The following IL1RAP variants were observed in gnomAD, a reference collection of about 807,000 sequenced individuals.
IL1RAP encodes the protein interleukin-1 receptor accessory protein.
A neutral mutation model predicts 60.7 loss-of-function variants in IL1RAP; 35 were observed. That is an observed-to-expected ratio of 0.58 (90% CI 0.44 to 0.76). The LOEUF is 0.76. Among genes scored for constraint, IL1RAP ranks in the 30% least tolerant of loss-of-function variants. The probability of loss-of-function intolerance (pLI) is 0.00; values close to 1 mark genes in which losing one functional copy is unlikely to be tolerated. For missense variants in IL1RAP, 572 were observed against 693.9 expected (o/e 0.82, Z 1.97); for synonymous variants, 268 against 250.9 (o/e 1.07, Z -0.64).
At chr3:190,549,410 G>C (rs1358771036) in intron 1 of IL1RAP, among the ~76,000 whole-genome samples, 1 of 151,388 alleles carries the variant, frequency 6.6e-6, no homozygotes, top group Non-Finnish European at 1.5e-5. Flanking sequence ...AGGGGGTGCT[G>C]TTTTGGGAAA....
chr3:190,615,780 C>T (rs2108780736), intron 5 of IL1RAP, among the ~76,000 whole-genome samples: 1 of 152,146 alleles, frequency 6.6e-6, no homozygotes, highest in East Asian at 1.9e-4. Flanking sequence ...TTTGCTCTTC[C>T]AGACTAAGTG....
At chr3:190,519,666 A>G (rs1195216905) in intron 1 of IL1RAP, among the ~76,000 whole-genome samples, 1 of 152,082 alleles carries the variant, frequency 6.6e-6, no homozygotes, top group Non-Finnish European at 1.5e-5. Context: ...TTCCTTTCCA[A>G]ACATACTGCT....
chr3:190,626,727 G>T (rs894571880), intron 7 of IL1RAP, among the ~76,000 whole-genome samples: 1 of 140,456 alleles, frequency 7.1e-6, no homozygotes, highest in East Asian at 2.1e-4. Flanking sequence ...CTGGAGTGCA[G>T]TGGCACAGTC....
At chr3:190,621,353 C>G (rs931638265) in intron 6 of IL1RAP, among the ~76,000 whole-genome samples, 1 of 152,132 alleles carries the variant, frequency 6.6e-6, no homozygotes, top group African/African-American at 2.4e-5. Flanking sequence ...AAATAGTATT[C>G]AAACAATGTC....
At chr3:190,553,059 A>G (rs1725004324) in intron 1 of IL1RAP, among the ~76,000 whole-genome samples, 1 of 152,212 alleles carries the variant, frequency 6.6e-6, no homozygotes, top group African/African-American at 2.4e-5. Flanking sequence ...CAAAAGCAAA[A>G]AAGTCATACA....
intron 5 of IL1RAP, among the ~76,000 whole-genome samples, chr3:190,609,473 T>TTCTA (rs1730635655): frequency 6.6e-6 from 1 of 152,224 alleles, no homozygotes; most frequent in Admixed American, 6.6e-5. Flanking sequence ...TGCTGCCCAC[T>TTCTA]TCTAGTTCCT....
rs561782727 is a variant in IL1RAP, at chr3:190,623,968, T to C, written c.775+553T>C. Among the ~76,000 whole-genome samples the C allele has an allele frequency of 6.6e-5, 10 of 152,336 alleles. No individual in the cohort carries two copies. In the South Asian group the frequency reaches 2.1e-3, roughly 32 times the overall value. ...AAATACGGGATAACATGTTACTCTT[T>C]TGACTCAAAGCCTCCCACAGTTAAG... On this transcript the variant is annotated intron_variant, in intron 7 of 11. Coordinates refer to ENST00000447382, the MANE Select transcript of IL1RAP (RefSeq NM_002182.4).
Position 190,649,148 on chromosome 3 carries a change from TAATC to T in IL1RAP, c.*446_*449del. ...TATTTTTACTCGTCCGTTGAAAAGA[TAATC>T]AAGGCCTACATTTTAGCTGAGGATA... On this transcript the variant is annotated 3_prime_UTR_variant, in exon 12 of 12. Transcript: ENST00000447382. The T allele has an allele frequency of 1.0e-6, 1 of 987,290 alleles. No homozygotes were observed. The highest frequency in any genetic ancestry group is 1.2e-6 in the Non-Finnish European group (1 of 831,142). 61.2% of individuals were successfully genotyped at this position (987,290 alleles called of 1,614,324 possible).
At chr3:190,589,352 T>C (rs561499543) in intron 3 of IL1RAP, among the ~76,000 whole-genome samples, 1 of 152,298 alleles carries the variant, frequency 6.6e-6, no homozygotes, top group African/African-American at 2.4e-5. Context: ...CCATTTCTCA[T>C]GCTCTCAGCT....
intron 1 of IL1RAP, among the ~76,000 whole-genome samples, chr3:190,536,968 T>C (rs1208057543): frequency 1.3e-5 from 2 of 152,140 alleles, no homozygotes; most frequent in African/African-American, 4.8e-5. Context: ...AGAGACTGGA[T>C]GAATGCCAAA....
intron 1 of IL1RAP, among the ~76,000 whole-genome samples, chr3:190,521,018 A>G (rs550934979): frequency 6.6e-6 from 1 of 152,248 alleles, no homozygotes; most frequent in South Asian, 2.1e-4. Context: ...TCTTTGCCTT[A>G]TTTTTATGAT....
At chr3:190,574,932 C>T (rs1218862009) in intron 3 of IL1RAP, among the ~76,000 whole-genome samples, 1 of 152,166 alleles carries the variant, frequency 6.6e-6, no homozygotes, top group African/African-American at 2.4e-5. Context: ...ACTGCAAACT[C>T]TCCAGAATTG....
Position 190,597,206 on chromosome 3 carries a change from C to T in IL1RAP, c.65-6922C>T, listed in dbSNP as rs1729453476. On this transcript the variant is annotated intron_variant, in intron 3 of 11. Transcript: ENST00000447382. ...GACATATTAAGCCGATGGATTGGGC[C>T]AGAAATCTTGGTGATTGACTTGTAT... is the stretch of plus-strand genomic sequence containing the variant. Among the ~76,000 whole-genome samples, 3 of 152,038 alleles carry T rather than the reference C, an allele frequency of 2.0e-5. No homozygotes were observed. The South Asian group carries it at 6.2e-4, about 31-fold the overall frequency.
chr3:190,514,874 C>T (rs1018135037), intron 1 of IL1RAP, among the ~76,000 whole-genome samples: 2 of 145,834 alleles, frequency 1.4e-5, no homozygotes, highest in Non-Finnish European at 3.0e-5. Context: ...GCACAGGGTG[C>T]CCCTCACTTG....
intron 1 of IL1RAP, among the ~76,000 whole-genome samples, chr3:190,522,455 C>CTATCTATCTATCTATA (rs1179554287): frequency 6.0e-5 from 9 of 149,460 alleles, no homozygotes; most frequent in African/African-American, 2.2e-4. Flanking sequence ...ATCTATCTAT[C>CTATCTATCTATCTATA]TATCTATCTC....
chr3:190,635,392 C>T (rs975764652), intron 9 of IL1RAP, among the ~76,000 whole-genome samples: 2 of 151,940 alleles, frequency 1.3e-5, no homozygotes, highest in African/African-American at 2.4e-5. Context: ...TTTTTGCATA[C>T]TTTGCACTTC....
intron 1 of IL1RAP, among the ~76,000 whole-genome samples, chr3:190,529,710 C>T (rs184191127): frequency 0.015 from 2,211 of 145,560 alleles, 49 homozygotes; most frequent in African/African-American, 0.053. Context: ...AAAATTTAGC[C>T]GGGCGTGGTG....
chr3:190,582,310 T>G (rs1728062984), intron 3 of IL1RAP, among the ~76,000 whole-genome samples: 1 of 151,836 alleles, frequency 6.6e-6, no homozygotes, highest in African/African-American at 2.4e-5. Flanking sequence ...TCTTGAACTT[T>G]TCTTTTCTTT....
intron 1 of IL1RAP, among the ~76,000 whole-genome samples, chr3:190,536,426 C>T (rs62288174): frequency 0.15 from 22,372 of 152,058 alleles, 1,964 homozygotes; most frequent in Middle Eastern, 0.26. Flanking sequence ...CTGCATGCCT[C>T]TGATTCTGTG....
Sources: allele counts gnomAD v4.1 joint callset (sites outside exome capture counted in the v4.1 genomes callset), GRCh38; gene constraint gnomAD v4.1.1; transcripts MANE v1.5; gene names NCBI Gene and HGNC (gene_info 2026-07-23, HGNC 2026-07-21).